The following ADGRD1 variants were observed in gnomAD, a reference collection of about 807,000 sequenced individuals.
ADGRD1 encodes the protein adhesion G protein-coupled receptor D1.
In ADGRD1, 77 loss-of-function variants were observed where a neutral mutation model predicts 113.4. The observed-to-expected ratio is 0.68, with a 90% CI of 0.57 to 0.82. The LOEUF (loss-of-function observed/expected upper bound fraction) is 0.82, where lower values mean the gene tolerates loss of function less well. ADGRD1 is among the 40% of genes least tolerant of loss of function. The pLI is 0.00. For missense variants in ADGRD1, 1,036 were observed against 1,139.1 expected (o/e 0.91, Z 1.30); for synonymous variants, 474 against 475.0 (o/e 1.00, Z 0.03).
At chr12:130,962,550 C>G (rs997904797) in intron 2 of ADGRD1, 1 of 152,084 alleles carries the variant, frequency 6.6e-6, no homozygotes, top group Non-Finnish European at 1.5e-5. Flanking sequence ...AATGAATATC[C>G]TAGACTTTAG....
At chr12:130,978,938 G>T (rs1446903018) in intron 4 of ADGRD1, 1 of 152,262 alleles carries the variant, frequency 6.6e-6, no homozygotes, top group African/African-American at 2.4e-5. Context: ...GAGGCTTGGG[G>T]GTTTGTCCTG....
chr12:130,998,905 T>C (rs1875966875), intron 8 of ADGRD1, among the ~76,000 whole-genome samples: 1 of 152,212 alleles, frequency 6.6e-6, no homozygotes, highest in South Asian at 2.1e-4. Flanking sequence ...AGAGATGTGC[T>C]GTGAGTGTAA....
At chr12:131,011,602 G>C (rs78187438) in intron 12 of ADGRD1, among the ~76,000 whole-genome samples, 12,221 of 152,140 alleles carry the variant, frequency 0.08, 1,196 homozygotes, top group African/African-American at 0.23. Context: ...GGAGGGAGAT[G>C]ATGACCACCG....
intron 13 of ADGRD1, among the ~76,000 whole-genome samples, chr12:131,061,058 TC>T: frequency 6.6e-6 from 1 of 151,866 alleles, no homozygotes; most frequent in East Asian, 1.9e-4. Flanking sequence ...ATATTCTCCC[TC>T]CCCCAGCCCC....
intron 15 of ADGRD1, among the ~76,000 whole-genome samples, chr12:131,092,363 C>T (rs1193560357): frequency 6.6e-6 from 1 of 152,178 alleles, no homozygotes; most frequent in Non-Finnish European, 1.5e-5. Context: ...CTACTCCTGG[C>T]GCTTGTGTTC....
intron 13 of ADGRD1, among the ~76,000 whole-genome samples, chr12:131,063,294 C>G (rs1175219566): frequency 1.3e-5 from 2 of 152,150 alleles, no homozygotes; most frequent in Non-Finnish European, 2.9e-5. Context: ...AAAGCTGAAG[C>G]TTCTAAATTT....
chr12:130,997,278 G>A lies in ADGRD1; in HGVS notation c.967-3105G>A, dbSNP rs532790081. Among the ~76,000 whole-genome samples, 245 of 131,358 alleles carry A rather than the reference G, an allele frequency of 1.9e-3. 1 individual carries two copies. The highest frequency in any genetic ancestry group is 6.8e-3 in the African/African-American group (228 of 33,534). The allele number at this position is 131,358 out of a possible 152,430, so 86.2% of individuals were successfully genotyped here. On this transcript the variant is annotated intron_variant, in intron 8 of 24. Coordinates refer to ENST00000261654, the MANE Select transcript of ADGRD1 (RefSeq NM_198827.5). Reference sequence around the variant, plus strand: ...TGGGCAGAGGCGCCCGTCACCTCCCGGACGGGGCAGCTGGCCTGGCGGGGG... The same window carrying A: ...TGGGCAGAGGCGCCCGTCACCTCCCAGACGGGGCAGCTGGCCTGGCGGGGG...
chr12:131,119,330 T>C (rs539590421), intron 19 of ADGRD1, among the ~76,000 whole-genome samples: 6 of 152,354 alleles, frequency 3.9e-5, no homozygotes, highest in African/African-American at 1.2e-4. Flanking sequence ...TAGAAGGCAG[T>C]GTCTGAGCGC....
intron 13 of ADGRD1, among the ~76,000 whole-genome samples, chr12:131,051,242 C>G (rs1048665591): frequency 3.3e-5 from 5 of 152,220 alleles, no homozygotes; most frequent in Admixed American, 6.5e-5. Flanking sequence ...CAGGATTATG[C>G]TGCCCCAGGA....
At chr12:130,962,713 CTATTT>C (rs1870504694) in intron 2 of ADGRD1, 1 of 152,146 alleles carries the variant, frequency 6.6e-6, no homozygotes, top group South Asian at 2.1e-4. Context: ...CTAGATAGGG[CTATTT>C]TATTTAGAGA....
At chr12:131,092,445 C>T (rs1283073747) in intron 15 of ADGRD1, among the ~76,000 whole-genome samples, 6 of 152,216 alleles carry the variant, frequency 3.9e-5, no homozygotes, top group Non-Finnish European at 7.3e-5. Context: ...TATTGATAGA[C>T]AGTCCTGCCA....
chr12:130,956,586 AGAG>A (rs952381310), intron 2 of ADGRD1: 3 of 152,278 alleles, frequency 2.0e-5, no homozygotes, highest in Middle Eastern at 3.2e-3. Flanking sequence ...GAGAGGACTG[AGAG>A]GAGGAGAGGG....
chr12:131,064,684 G>T (rs1884579980), intron 13 of ADGRD1, among the ~76,000 whole-genome samples: 1 of 152,236 alleles, frequency 6.6e-6, no homozygotes, highest in Non-Finnish European at 1.5e-5. Context: ...TGGAGGAAAT[G>T]ACTCAATTGA....
At chr12:131,005,354 C>G (rs1338730102) in intron 11 of ADGRD1, among the ~76,000 whole-genome samples, 1 of 152,204 alleles carries the variant, frequency 6.6e-6, no homozygotes, top group Non-Finnish European at 1.5e-5. Flanking sequence ...CTGGGAGTGC[C>G]CTGATTTCCA....
At chr12:131,028,781 A>T (rs941601266) in intron 13 of ADGRD1, among the ~76,000 whole-genome samples, 1 of 152,212 alleles carries the variant, frequency 6.6e-6, no homozygotes. Context: ...TCTGTCCGTC[A>T]TCCCATTTGC....
intron 13 of ADGRD1, among the ~76,000 whole-genome samples, chr12:131,017,010 A>C (rs1256910249): frequency 1.3e-5 from 2 of 152,078 alleles, no homozygotes; most frequent in East Asian, 3.9e-4. Flanking sequence ...AGCACAGCCG[A>C]CCACAGGGCC....
At chr12:131,092,847 C>T (rs1887001706) in intron 15 of ADGRD1, among the ~76,000 whole-genome samples, 1 of 151,758 alleles carries the variant, frequency 6.6e-6, no homozygotes, top group African/African-American at 2.4e-5. Flanking sequence ...GTCAGTATTC[C>T]AAAACACAGA....
Position 131,105,871 on chromosome 12 carries a change from T to C in ADGRD1, c.1887+6T>C, listed in dbSNP as rs1327047424. The C allele has an allele frequency of 8.8e-6, 14 of 1,584,266 alleles. No individual in the cohort carries two copies. Among genetic ancestry groups the C allele is most frequent in the Admixed American group, 3.4e-5 (2 of 59,534 alleles). The stretch of plus-strand genomic sequence containing the variant: ...TCCGCCTCGAGCCGGGCACGGTGAG[T>C]GGGCGCAGCTCCGTGTTCCTGCGCT... On this transcript the variant is annotated splice_donor_region_variant and intron_variant, in intron 17 of 24. Transcript: ENST00000261654.
At chr12:131,035,787 T>A (rs1881306985) in intron 13 of ADGRD1, among the ~76,000 whole-genome samples, 2 of 152,178 alleles carry the variant, frequency 1.3e-5, no homozygotes, top group African/African-American at 4.8e-5. Context: ...GAAAAATGGA[T>A]CCATTTTCCT....
Sources: gnomAD v4.1 joint callset for allele counts (sites outside exome capture counted in the v4.1 genomes callset) on GRCh38, gnomAD v4.1.1 for gene constraint, MANE v1.5 for transcripts, NCBI Gene and HGNC (gene_info 2026-07-23, HGNC 2026-07-21) for gene names.